The following TRIM55 variants were observed in gnomAD, a reference collection of about 807,000 sequenced individuals.
The protein encoded by TRIM55 is tripartite motif containing 55, also known as tripartite motif-containing protein 55.
In TRIM55, 50 loss-of-function variants were observed where a neutral mutation model predicts 60.9. The observed-to-expected ratio is 0.82, with a 90% CI of 0.65 to 1.04. The LOEUF (loss-of-function observed/expected upper bound fraction) is 1.04. Among genes scored for constraint, TRIM55 ranks in the 50% least tolerant of loss-of-function variants. TRIM55 has a pLI of 0.00. For missense variants in TRIM55, 681 were observed against 666.9 expected (o/e 1.02, Z -0.23); for synonymous variants, 237 against 238.1 (o/e 1.00, Z 0.04).
chr8:66,133,950 C>A (rs1809326589), intron 2 of TRIM55, among the ~76,000 whole-genome samples: 1 of 152,148 alleles, frequency 6.6e-6, no homozygotes, highest in Admixed American at 6.5e-5. Flanking sequence ...CACACACACA[C>A]AAACACACAT....
intron 4 of TRIM55, among the ~76,000 whole-genome samples, chr8:66,137,429 T>G (rs1287578601): frequency 1.3e-5 from 2 of 152,236 alleles, no homozygotes; most frequent in African/African-American, 4.8e-5. Context: ...TGTGTTGTTC[T>G]TTCTTCCTTT....
chr8:66,136,617 A>G (rs1809495704), intron 3 of TRIM55, among the ~76,000 whole-genome samples: 1 of 152,214 alleles, frequency 6.6e-6, no homozygotes, highest in Non-Finnish European at 1.5e-5. Context: ...CCCTAGAACT[A>G]GTTCTTTGTT....
intron 4 of TRIM55, among the ~76,000 whole-genome samples, chr8:66,139,682 G>A (rs1264789171): frequency 6.6e-6 from 1 of 152,188 alleles, no homozygotes; most frequent in East Asian, 1.9e-4. Flanking sequence ...CAGGTGGCTA[G>A]GGGAGGGTAT....
rs1420727164 is a variant in TRIM55, at chr8:66,128,389, TG to T, written c.256del (p.Val86PhefsTer52). On this transcript the variant is annotated frameshift_variant, in exon 2 of 10. Coordinates refer to ENST00000315962, the MANE Select transcript of TRIM55 (RefSeq NM_184085.2). LOFTEE classifies it high-confidence loss of function. ...RFRCPSCRHE[V>X]VLDRHGVYGL... is the part of the protein sequence containing the mutation. ...CGCTGCCCATCCTGTAGACATGAAG[TG>T]GTTTTGGATAGACATGGGGTATATG... 3.1e-6 allele frequency: 5 copies of T among 1,613,556 alleles called. No homozygotes were observed. The highest frequency in any genetic ancestry group is 3.4e-6 in the Non-Finnish European group (4 of 1,179,840).
intron 5 of TRIM55, 88 bp from the exon 6 acceptor site, chr8:66,150,129 T>C: frequency 6.9e-7 from 1 of 1,459,566 alleles, no homozygotes; most frequent in Non-Finnish European, 9.4e-7. Context: ...GCTATGAGAT[T>C]CTCAGAGTCA....
chr8:66,159,622 C>T (rs1810936001), intron 9 of TRIM55, among the ~76,000 whole-genome samples: 1 of 152,118 alleles, frequency 6.6e-6, no homozygotes, highest in Non-Finnish European at 1.5e-5. Context: ...AACTGTTTTC[C>T]GTAGTGGTTA....
chr8:66,135,181 G>T (rs760555929), intron 3 of TRIM55, 26 bp downstream of exon 3: 25 of 1,606,488 alleles, frequency 1.6e-5, no homozygotes, highest in Non-Finnish European at 2.0e-5. Context: ...CCTCCCTCCC[G>T]CAACCCCTCC....
At chr8:66,123,734 T>G (rs1054202477), upstream of TRIM55, among the ~76,000 whole-genome samples, 2 of 152,148 alleles carry the variant, frequency 1.3e-5, no homozygotes, top group African/African-American at 4.8e-5. Flanking sequence ...GGTACACGCC[T>G]GTAGTACCAG....
chr8:66,139,882 G>A (rs1000815360), intron 4 of TRIM55, among the ~76,000 whole-genome samples: 1 of 152,138 alleles, frequency 6.6e-6, no homozygotes, highest in African/African-American at 2.4e-5. Flanking sequence ...AGTACAGAAA[G>A]TACAGTCATG....
In TRIM55 at chr8:66,156,757, T is replaced by C. The variant is rs1276962613; in HGVS notation, c.1524+2423T>C. On this transcript the variant is annotated intron_variant, in intron 9 of 9. Transcript: ENST00000315962. ...CATAGACTTTCTGCCTCATTAGCCA[T>C]CTGCTCAGCAATGGCGGTGGCGTCT... Among the ~76,000 whole-genome samples, 8 of 152,254 alleles carry C rather than the reference T, an allele frequency of 5.3e-5. No homozygotes were observed. The East Asian group carries it at 9.7e-4, about 18-fold the overall frequency.
intron 1 of TRIM55, 112 bp downstream of exon 1, chr8:66,127,548 C>A: frequency 7.4e-7 from 1 of 1,347,806 alleles, no homozygotes; most frequent in South Asian, 1.3e-5. Flanking sequence ...ATAAGGTTGC[C>A]GGGCGCTTTG....
chr8:66,149,634 C>T lies in TRIM55; in HGVS notation c.604-11C>T, dbSNP rs1414282345. 1 of 1,597,166 alleles carries T rather than the reference C, an allele frequency of 6.3e-7. No homozygotes were observed. Among genetic ancestry groups the T allele is most frequent in the South Asian group, 1.1e-5 (1 of 90,598 alleles). ...CAAATACTTTCTAACATTAGCTAAC[C>T]CAACTAATAGGAATGTTGCAGAAAA... On this transcript the variant is annotated splice_polypyrimidine_tract_variant and intron_variant, in intron 4 of 9. Coordinates refer to ENST00000315962, the MANE Select transcript of TRIM55 (RefSeq NM_184085.2).
upstream of TRIM55, among the ~76,000 whole-genome samples, chr8:66,123,501 G>T (rs529997517): frequency 1.3e-5 from 2 of 152,148 alleles, no homozygotes; most frequent in South Asian, 4.1e-4. Context: ...TTCCTGTGTA[G>T]CCTCCAGGGA....
chr8:66,135,001 A>G lies in TRIM55; in HGVS notation c.353A>G (p.Lys118Arg). 4 of 1,614,088 alleles carry G rather than the reference A, an allele frequency of 2.5e-6. No homozygotes were observed. The highest frequency in any genetic ancestry group is 3.4e-6 in the Non-Finnish European group (4 of 1,179,984). The part of the protein sequence containing the change: ...YKQESTRPEK[K>R]SDQPMCEEHE... ...CTACCTCCTCCCAGGCCAGAAAAGA[A>G]ATCCGACCAGCCCATGTGCGAGGAA... Residue 118 changes from lysine to arginine, a missense_variant, in exon 3 of 10, where the codon AAA (lysine) becomes AGA (arginine). Transcript: ENST00000315962.
chr8:66,118,168 C>CAAAAAAAAAA, the TRIM55 span, among the ~76,000 whole-genome samples: 76 of 39,892 alleles, frequency 1.9e-3, no homozygotes, highest in African/African-American at 2.3e-3. Context: ...GACTCCGTCT[C>CAAAAAAAAAA]AAAAAAAAAA....
At chr8:66,113,460 G>A in the TRIM55 span, 9 of 454,818 alleles carry the variant, frequency 2.0e-5, no homozygotes, top group African/African-American at 1.4e-4. Context: ...GCTCGAAGGA[G>A]ACAAGTGCGG....
At chr8:66,113,609 A>G in the TRIM55 span, 10 of 455,982 alleles carry the variant, frequency 2.2e-5, no homozygotes, top group African/African-American at 2.0e-4. Context: ...AATTCTTTTT[A>G]GCCATTCGCC....
chr8:66,133,379 C>T (rs559068595), intron 2 of TRIM55, among the ~76,000 whole-genome samples: 2 of 151,652 alleles, frequency 1.3e-5, no homozygotes, highest in Non-Finnish European at 2.9e-5. Flanking sequence ...GGCACTGTTC[C>T]GAGTACTGGA....
chr8:66,119,232 C>A, the TRIM55 span, among the ~76,000 whole-genome samples: 13 of 152,194 alleles, frequency 8.5e-5, no homozygotes, highest in Non-Finnish European at 1.5e-4. Context: ...CACAAGAAAG[C>A]AAGAATACTT....
Sources: gnomAD v4.1 joint callset for allele counts (sites outside exome capture counted in the v4.1 genomes callset) on GRCh38, gnomAD v4.1.1 for gene constraint, MANE v1.5 for transcripts, NCBI Gene and HGNC (gene_info 2026-07-23, HGNC 2026-07-21) for gene names.